The following PDIA5 variants were observed in gnomAD, a reference collection of about 807,000 sequenced individuals.
PDIA5 encodes protein disulfide isomerase family A member 5, also known as protein disulfide-isomerase A5.
In PDIA5, 58 loss-of-function variants were observed where a neutral mutation model predicts 77.6. The ratio of observed to expected loss-of-function variants is 0.75; its 90% CI spans 0.61 to 0.93. The LOEUF (loss-of-function observed/expected upper bound fraction) is 0.93, where lower values mean the gene tolerates loss of function less well. Among genes scored for constraint, PDIA5 ranks in the 40% least tolerant of loss-of-function variants. The probability of loss-of-function intolerance (pLI) is 0.00; values close to 1 mark genes in which losing one functional copy is unlikely to be tolerated. For missense variants in PDIA5, 630 were observed against 647.7 expected, an observed-to-expected ratio of 0.97 and a Z score of 0.30; for synonymous variants, 250 against 252.1, an observed-to-expected ratio of 0.99 and a Z score of 0.08.
chr3:123,124,765 C>A (rs1010262471), intron 10 of PDIA5, among the ~76,000 whole-genome samples: 1 of 152,200 alleles, frequency 6.6e-6, no homozygotes, highest in African/African-American at 2.4e-5. Flanking sequence ...CTCACCCAGG[C>A]TACCAGGTTT....
At position 123,137,123 on chromosome 3, in the gene PDIA5, A is replaced by G. The variant is rs182397872; in HGVS notation, c.910+6507A>G. On this transcript the variant is annotated intron_variant, in intron 11 of 16. Coordinates refer to ENST00000316218, the MANE Select transcript of PDIA5 (RefSeq NM_006810.4). ...GTAAGCTTGAGCTTTGGCAGATGCT[A>G]CCAAATTGCCCTACAGAAAGGTTTT... 3.5e-4 allele frequency among the ~76,000 whole-genome samples: 54 copies of G among 152,334 alleles called. No individual in the cohort carries two copies. The East Asian group carries it at 8.5e-3, about 24-fold the overall frequency.
chr3:123,146,073 C>G (rs367988419), intron 12 of PDIA5, 26 bp from the exon 13 acceptor site: 1 of 1,611,252 alleles, frequency 6.2e-7, no homozygotes, highest in East Asian at 2.2e-5. Context: ...GGCTGTAATG[C>G]ATGGTTGGCC....
intron 1 of PDIA5, among the ~76,000 whole-genome samples, chr3:123,070,166 C>T (rs1933687350): frequency 1.3e-5 from 2 of 151,242 alleles, no homozygotes; most frequent in South Asian, 4.2e-4. Context: ...TTTTTATTTA[C>T]CAGAATATTA....
chr3:123,134,454 G>A (rs1935444648), intron 11 of PDIA5, among the ~76,000 whole-genome samples: 2 of 152,076 alleles, frequency 1.3e-5, no homozygotes, highest in Non-Finnish European at 2.9e-5. Flanking sequence ...CTGCCCTGCT[G>A]GGCTCTCAGC....
chr3:123,130,690 T>C (rs554963331), intron 11 of PDIA5, 74 bp downstream of exon 11: 14 of 1,532,966 alleles, frequency 9.1e-6, no homozygotes, highest in South Asian at 8.1e-5. Context: ...CGCTTTGCAA[T>C]GTGAACCCAG....
rs374747755 is a variant in PDIA5, at chr3:123,099,470, GGAGA to G, written c.258-2933_258-2930del. Among the ~76,000 whole-genome samples the G allele has an allele frequency of 2.3e-4, 35 of 152,290 alleles. No individual in the cohort carries two copies. The East Asian group carries it at 6.8e-3, about 29-fold the overall frequency. On this transcript the variant is annotated intron_variant, in intron 3 of 16. Transcript: ENST00000316218. ...AGCCTCCTCCCCACTCACCCCTCAG[GGAGA>G]GAGAGAGTGCAGGGGATGGGGAGAG...
chr3:123,109,612 CT>C (rs1222164987), intron 6 of PDIA5, among the ~76,000 whole-genome samples: 2 of 151,586 alleles, frequency 1.3e-5, no homozygotes, highest in Admixed American at 6.6e-5. Flanking sequence ...AAAATTTAAT[CT>C]TTTTTTTAAT....
In PDIA5 at chr3:123,152,111, T is replaced by TCCTG. The variant is rs1553805959; in HGVS notation, c.1273+1750_1273+1751insGCCT. Among the ~76,000 whole-genome samples, 324 of 74,550 alleles carry TCCTG rather than the reference T, an allele frequency of 4.3e-3. 11 individuals are homozygous for TCCTG. Among genetic ancestry groups the TCCTG allele is most frequent in the African/African-American group, 0.017 (308 of 18,636 alleles). The allele number at this position is 74,550 out of a possible 152,430, so 48.9% of individuals were successfully genotyped here. On this transcript the variant is annotated intron_variant, in intron 14 of 16. Transcript: ENST00000316218. ...TTCCTGCCTTCCTGCCTTCCTTCCT[T>TCCTG]CCTTCCTTCCTTCCTGCCTTCCTTC...
rs185726279 is a variant in PDIA5 at position 123,091,656 on chromosome 3, C to T, written c.170-699C>T. On this transcript the variant is annotated intron_variant, in intron 2 of 16. Coordinates refer to ENST00000316218, the MANE Select transcript of PDIA5 (RefSeq NM_006810.4). ...AGAAAGTCTTCCTTTCTTGTGATCACTCCATCCTGTCCCAAGGCATGGTCC... is the reference window on the plus strand; with the variant it reads ...AGAAAGTCTTCCTTTCTTGTGATCATTCCATCCTGTCCCAAGGCATGGTCC... Among the ~76,000 whole-genome samples, 35 of 152,312 alleles carry T rather than the reference C, an allele frequency of 2.3e-4. No homozygotes were observed. The East Asian group carries it at 6.8e-3, about 29-fold the overall frequency.
chr3:123,086,325 A>G (rs1250798001), intron 1 of PDIA5, among the ~76,000 whole-genome samples: 2 of 152,180 alleles, frequency 1.3e-5, no homozygotes, highest in African/African-American at 4.8e-5. Flanking sequence ...GTCAGACAGG[A>G]GTCACTAAGC....
At chr3:123,102,929 T>C in intron 5 of PDIA5, 133 bp downstream of exon 5, 2 of 703,892 alleles carry the variant, frequency 2.8e-6, no homozygotes, top group South Asian at 3.1e-5. Context: ...GAGATTCTTA[T>C]CTCTAGAGCA....
intron 15 of PDIA5, among the ~76,000 whole-genome samples, chr3:123,160,052 A>G (rs188797288): frequency 1.3e-5 from 2 of 152,380 alleles, no homozygotes; most frequent in Non-Finnish European, 2.9e-5. Flanking sequence ...AGCTCTATCT[A>G]AAATGATCTA....
chr3:123,069,622 A>T (rs75370563), intron 1 of PDIA5, among the ~76,000 whole-genome samples: 1 of 152,132 alleles, frequency 6.6e-6, no homozygotes, highest in African/African-American at 2.4e-5. Context: ...CTGTATTCTC[A>T]TATGATAGAA....
In PDIA5 at chr3:123,101,906, C is replaced by CTTTTTTTTTTTTTTTTTT. The variant is rs71623603; in HGVS notation, c.258-501_258-484dup. On this transcript the variant is annotated intron_variant, in intron 3 of 16. Coordinates refer to ENST00000316218, the MANE Select transcript of PDIA5 (RefSeq NM_006810.4). ...TCCCCTTCCTTTCCTTTCTTTCTTG[C>CTTTTTTTTTTTTTTTTTT]TTTTTTTTTTTTTTTTTTTTTGAGA... is the stretch of plus-strand genomic sequence containing the variant. Among the ~76,000 whole-genome samples, 30 of 71,396 alleles carry CTTTTTTTTTTTTTTTTTT rather than the reference C, an allele frequency of 4.2e-4. 3 individuals carry two copies. Among genetic ancestry groups the CTTTTTTTTTTTTTTTTTT allele is most frequent in the Admixed American group, 2.6e-3 (10 of 3,834 alleles). The allele number at this position is 71,396 out of a possible 152,430, so 46.8% of individuals were successfully genotyped here. A position where few individuals can be genotyped will look rare whatever the true frequency, so the allele number is the denominator to read the frequency against.
chr3:123,106,002 G>A (rs1001167890), intron 5 of PDIA5, among the ~76,000 whole-genome samples: 2 of 152,226 alleles, frequency 1.3e-5, no homozygotes, highest in Non-Finnish European at 2.9e-5. Flanking sequence ...CCCACAGGGA[G>A]TGGAGATTTG....
intron 11 of PDIA5, among the ~76,000 whole-genome samples, chr3:123,135,745 CTTTT>C (rs766560888): frequency 3.7e-5 from 3 of 80,466 alleles, no homozygotes; most frequent in African/African-American, 5.3e-5. Flanking sequence ...GAGGTAACAA[CTTTT>C]TTTTTTTTTT....
At position 123,083,862 on chromosome 3, in the gene PDIA5, G is replaced by C. The variant is rs550572804; in HGVS notation, c.43-5306G>C. On this transcript the variant is annotated intron_variant, in intron 1 of 16. Coordinates refer to ENST00000316218, the MANE Select transcript of PDIA5 (RefSeq NM_006810.4). ...CGTGCACATTGGAAAGGTTAAAATAGACTGAAGTGGAGGAGAAAGGAGAAT... is the reference window on the plus strand; with the variant it reads ...CGTGCACATTGGAAAGGTTAAAATACACTGAAGTGGAGGAGAAAGGAGAAT... Among the ~76,000 whole-genome samples, 5 of 152,248 alleles carry C rather than the reference G, an allele frequency of 3.3e-5. No individual in the cohort carries two copies. The South Asian group carries it at 8.3e-4, about 25-fold the overall frequency.
At chr3:123,133,756 A>G (rs1476775022) in intron 11 of PDIA5, among the ~76,000 whole-genome samples, 1 of 152,224 alleles carries the variant, frequency 6.6e-6, no homozygotes, top group Admixed American at 6.5e-5. Context: ...ATGTCAGACC[A>G]TGCATTGACA....
intron 13 of PDIA5, 33 bp downstream of exon 13, chr3:123,146,292 C>A: frequency 6.3e-7 from 1 of 1,591,490 alleles, no homozygotes; most frequent in Non-Finnish European, 8.6e-7. Context: ...CACATCCTAA[C>A]TGCCAGCTGG....
Sources: gnomAD v4.1 joint callset for allele counts (sites outside exome capture counted in the v4.1 genomes callset) on GRCh38, gnomAD v4.1.1 for gene constraint, MANE v1.5 for transcripts, NCBI Gene and HGNC (gene_info 2026-07-23, HGNC 2026-07-21) for gene names.